The following PPP4R2 variants were observed in gnomAD, a reference collection of about 807,000 sequenced individuals.
PPP4R2 encodes the protein protein phosphatase 4 regulatory subunit 2.
In PPP4R2, 13 loss-of-function variants were observed where a neutral mutation model predicts 47.2. That is an observed-to-expected ratio of 0.28 (90% CI 0.18 to 0.44). PPP4R2 has a LOEUF of 0.44. PPP4R2 is among the 20% of genes least tolerant of loss of function. The probability of loss-of-function intolerance (pLI) is 1.00; values close to 1 mark genes in which losing one functional copy is unlikely to be tolerated. For missense variants in PPP4R2, 421 were observed against 491.2 expected (o/e 0.86, Z 1.35); for synonymous variants, 151 against 163.3 (o/e 0.92, Z 0.57).
At chr3:73,003,859 C>T (rs973344907) in intron 2 of PPP4R2, among the ~76,000 whole-genome samples, 6 of 151,956 alleles carry the variant, frequency 3.9e-5, no homozygotes, top group Non-Finnish European at 7.4e-5. Context: ...CCACCACGCC[C>T]GGCTACTTTT....
intron 3 of PPP4R2, among the ~76,000 whole-genome samples, 165 bp from the exon 4 acceptor site, chr3:73,058,870 ATT>A (rs1449993320): frequency 9.1e-6 from 1 of 109,458 alleles, no homozygotes; most frequent in Non-Finnish European, 1.8e-5. Context: ...TGCTTATTTT[ATT>A]GTCTTTTTTT....
rs1703042262 is a variant in PPP4R2 at position 73,068,306 on chromosome 3, CCTGTTCTCTAGA to C, written c.*2587_*2598del. ...TTTCTGACCTTGAGCAGATTGCTTACCTGTTCTCTAGACTATAACCCAACATGTAAAAAAAAT... is the reference window on the plus strand; with the variant it reads ...TTTCTGACCTTGAGCAGATTGCTTACCTATAACCCAACATGTAAAAAAAAT... On this transcript the variant is annotated 3_prime_UTR_variant, in exon 9 of 9. Transcript: ENST00000356692. 1 of 151,932 alleles carries C rather than the reference CCTGTTCTCTAGA, an allele frequency of 6.6e-6. No individual in the cohort carries two copies. The highest frequency in any genetic ancestry group is 6.6e-5 in the Admixed American group (1 of 15,236). The allele number at this position is 151,932 out of a possible 1,614,324, so 9.4% of individuals were successfully genotyped here.
At chr3:73,019,182 A>G (rs1559552201) in intron 2 of PPP4R2, among the ~76,000 whole-genome samples, 1 of 152,152 alleles carries the variant, frequency 6.6e-6, no homozygotes, top group Non-Finnish European at 1.5e-5. Flanking sequence ...TAGGAGCAAT[A>G]AGCCATATAC....
intron 2 of PPP4R2, among the ~76,000 whole-genome samples, chr3:73,021,602 C>G (rs1039095102): frequency 6.6e-6 from 1 of 151,994 alleles, no homozygotes; most frequent in Non-Finnish European, 1.5e-5. Context: ...GAAAAAAATA[C>G]TGGTGTGAAT....
chr3:73,060,503 AC>A (rs1242038850), intron 4 of PPP4R2, among the ~76,000 whole-genome samples: 1 of 152,182 alleles, frequency 6.6e-6, no homozygotes, highest in Non-Finnish European at 1.5e-5. Flanking sequence ...CAAAACACTT[AC>A]TGTGACTCAT....
intron 4 of PPP4R2, among the ~76,000 whole-genome samples, chr3:73,060,752 A>T (rs1266566975): frequency 6.6e-6 from 1 of 152,078 alleles, no homozygotes; most frequent in African/African-American, 2.4e-5. Context: ...ATAGTGTATG[A>T]TGTTACGGGT....
At position 73,065,662 on chromosome 3, in the gene PPP4R2, A is replaced by T; in HGVS notation, c.1194A>T (p.Ser398=). The T allele has an allele frequency of 6.2e-7, 1 of 1,610,968 alleles. No individual in the cohort carries two copies. Among genetic ancestry groups the T allele is most frequent in the South Asian group, 1.1e-5 (1 of 90,986 alleles). ...SSKTGEILSE[S]SMENDDEATE... Reference sequence around the variant, plus strand: ...AAACTGGAGAGATTCTTTCAGAATCATCCATGGAAAATGATGACGAAGCCA... The same window carrying T: ...AAACTGGAGAGATTCTTTCAGAATCTTCCATGGAAAATGATGACGAAGCCA... Residue 398 remains serine, a synonymous_variant, in exon 9 of 9, where the codon TCA becomes TCT. Transcript: ENST00000356692.
At chr3:73,025,312 A>C (rs750306420) in intron 2 of PPP4R2, among the ~76,000 whole-genome samples, 7 of 152,222 alleles carry the variant, frequency 4.6e-5, no homozygotes, top group Non-Finnish European at 8.8e-5. Flanking sequence ...GTCAGTGGGA[A>C]TCACCTTCTG....
intron 2 of PPP4R2, among the ~76,000 whole-genome samples, chr3:73,012,134 G>A (rs991103137): frequency 1.3e-5 from 2 of 152,030 alleles, no homozygotes; most frequent in African/African-American, 4.8e-5. Flanking sequence ...ATGTAAAGTG[G>A]TATAATATTT....
chr3:73,047,442 G>A (rs199762168), intron 3 of PPP4R2, 86 bp downstream of exon 3: 373 of 469,960 alleles, frequency 7.9e-4, no homozygotes, highest in Non-Finnish European at 1.1e-3. Context: ...TCTGGTTGAT[G>A]ATTGATTATC....
chr3:73,041,075 AACAC>A (rs1483207060), intron 2 of PPP4R2, among the ~76,000 whole-genome samples: 1 of 152,194 alleles, frequency 6.6e-6, no homozygotes, highest in Non-Finnish European at 1.5e-5. Flanking sequence ...AATCAGAAAA[AACAC>A]ATTATTTAGT....
At chr3:73,035,522 C>T (rs1702245508) in intron 2 of PPP4R2, among the ~76,000 whole-genome samples, 1 of 152,190 alleles carries the variant, frequency 6.6e-6, no homozygotes, top group Non-Finnish European at 1.5e-5. Context: ...AGAGATTCCT[C>T]AGAAACCTAA....
rs1056966162 is a variant in PPP4R2, at chr3:73,062,080, T to C, written c.419+1020T>C. 5.2e-6 allele frequency: 8 copies of C among 1,533,592 alleles called. No individual in the cohort carries two copies. The Admixed American group carries it at 8.6e-5, about 16-fold the overall frequency. The allele number at this position is 1,533,592 out of a possible 1,614,324, so 95.0% of individuals were successfully genotyped here. A position where few individuals can be genotyped will look rare whatever the true frequency, so the allele number is the denominator to read the frequency against. ...TGCAGAGTCAAGTCATAGCGACTAATAATGGGTTATTTTCTTAAATTGTAT... is the reference window on the plus strand; with the variant it reads ...TGCAGAGTCAAGTCATAGCGACTAACAATGGGTTATTTTCTTAAATTGTAT... On this transcript the variant is annotated intron_variant, in intron 5 of 8. Transcript: ENST00000356692.
intron 2 of PPP4R2, among the ~76,000 whole-genome samples, chr3:73,041,002 G>A (rs1048168017): frequency 8.0e-6 from 1 of 125,172 alleles, no homozygotes; most frequent in East Asian, 2.2e-4. Context: ...ATGGTTGACT[G>A]CAGATTATGG....
chr3:73,037,123 T>C (rs1013157491), intron 2 of PPP4R2, among the ~76,000 whole-genome samples: 1 of 152,172 alleles, frequency 6.6e-6, no homozygotes, highest in African/African-American at 2.4e-5. Flanking sequence ...AAGGGGGATT[T>C]TTTTTCCCCC....
intron 2 of PPP4R2, among the ~76,000 whole-genome samples, chr3:73,038,501 T>A (rs565794997): frequency 6.6e-6 from 1 of 152,164 alleles, no homozygotes; most frequent in African/African-American, 2.4e-5. Context: ...GTTCAAGCAA[T>A]TCTCCTGCCT....
At chr3:73,003,159 T>G (rs1701516132) in intron 2 of PPP4R2, among the ~76,000 whole-genome samples, 1 of 152,046 alleles carries the variant, frequency 6.6e-6, no homozygotes, top group South Asian at 2.1e-4. Context: ...AGCCCCCATT[T>G]AAAAGTTTTT....
intron 3 of PPP4R2, among the ~76,000 whole-genome samples, chr3:73,051,073 C>T (rs576125894): frequency 9.2e-5 from 14 of 152,164 alleles, no homozygotes; most frequent in Non-Finnish European, 1.9e-4. Context: ...CGCCACCACA[C>T]CCGGCTAATT....
intron 2 of PPP4R2, among the ~76,000 whole-genome samples, chr3:73,010,356 A>G (rs1233822432): frequency 6.6e-6 from 1 of 151,638 alleles, no homozygotes; most frequent in Non-Finnish European, 1.5e-5. Flanking sequence ...CGCCCGCAGT[A>G]GCTGCCAGAG....
Sources: allele counts gnomAD v4.1 joint callset (sites outside exome capture counted in the v4.1 genomes callset), GRCh38; gene constraint gnomAD v4.1.1; transcripts MANE v1.5; gene names NCBI Gene and HGNC (gene_info 2026-07-23, HGNC 2026-07-21).